RSBN1L: variants seen among roughly 807,000 people sequenced by gnomAD.
RSBN1L encodes the protein lysine-specific demethylase RSBN1L.
In RSBN1L, 30 loss-of-function variants were observed where a neutral mutation model predicts 67.7. The observed-to-expected ratio is 0.44, with a 90% CI of 0.33 to 0.60. RSBN1L has a LOEUF of 0.60. RSBN1L is among the 20% of genes least tolerant of loss of function. The pLI is 0.02. For missense variants in RSBN1L, 992 were observed against 1,031.7 expected, an observed-to-expected ratio of 0.96 and a Z score of 0.53; for synonymous variants, 433 against 387.0, an observed-to-expected ratio of 1.12 and a Z score of -1.39.
At chr7:77,732,425 T>C (rs756179386) in intron 1 of RSBN1L, among the ~76,000 whole-genome samples, 1 of 152,254 alleles carries the variant, frequency 6.6e-6, no homozygotes, top group Non-Finnish European at 1.5e-5. Context: ...CTCTGCCTCC[T>C]GGGTTCCAGT....
intron 2 of RSBN1L, among the ~76,000 whole-genome samples, chr7:77,743,898 A>T (rs909822518): frequency 2.0e-5 from 3 of 149,176 alleles, no homozygotes; most frequent in East Asian, 2.0e-4. Flanking sequence ...TTTTTATTTC[A>T]TTTTTTTTGT....
rs1056079365 is a variant in RSBN1L, at chr7:77,696,575, C to T, written c.106C>T (p.Pro36Ser). The T allele has an allele frequency of 1.2e-6, 2 of 1,614,094 alleles. No homozygotes were observed. Among genetic ancestry groups the T allele is most frequent in the Admixed American group, 1.7e-5 (1 of 60,030 alleles). ...FGKLQLSSRD[P>S]PGSLSAKKVR... Reference sequence around the variant, plus strand: ...CAAGCTGCAACTCTCCTCCCGGGACCCTCCGGGTTCTCTGTCCGCCAAGAA... The same window carrying T: ...CAAGCTGCAACTCTCCTCCCGGGACTCTCCGGGTTCTCTGTCCGCCAAGAA... Residue 36 changes from proline to serine, a missense_variant, in exon 1 of 8, where the codon CCT becomes TCT. Pro to Ser is a moderately conservative substitution (Grantham distance 74). This residue lies in a region of RSBN1L where 575 missense variants were observed against 483.2 expected (regional missense o/e 1.19). Coordinates refer to ENST00000334955, the MANE Select transcript of RSBN1L (RefSeq NM_198467.3).
rs368343635 is a variant in RSBN1L at position 77,756,359 on chromosome 7, C to T, written c.1344+6295C>T. 7.9e-5 allele frequency among the ~76,000 whole-genome samples: 12 copies of T among 152,230 alleles called. No homozygotes were observed. In the East Asian group the frequency reaches 1.9e-3, roughly 25 times the overall value. On this transcript the variant is annotated intron_variant, in intron 3 of 7. Transcript: ENST00000334955. ...TGTTGCCCAGGCTGGTCTTGAACTC[C>T]TGACTTCAGGTGATCTACCTGCCTC...
chr7:77,707,900 C>T (rs984467497), intron 1 of RSBN1L, among the ~76,000 whole-genome samples: 1 of 152,110 alleles, frequency 6.6e-6, no homozygotes, highest in Non-Finnish European at 1.5e-5. Flanking sequence ...TTTACATATA[C>T]TGTGGTTTTA....
chr7:77,755,118 A>C (rs1467094394), intron 3 of RSBN1L, among the ~76,000 whole-genome samples: 1 of 152,188 alleles, frequency 6.6e-6, no homozygotes, highest in East Asian at 1.9e-4. Context: ...AGCTAATGTG[A>C]GTCAGTATTC....
intron 1 of RSBN1L, among the ~76,000 whole-genome samples, chr7:77,722,968 CT>C (rs71531006): frequency 0.15 from 19,881 of 132,132 alleles, 1,798 homozygotes; most frequent in African/African-American, 0.3. Flanking sequence ...TTTCTCTCTT[CT>C]TTTTTTTTTT....
At chr7:77,754,619 G>A (rs909122276) in intron 3 of RSBN1L, among the ~76,000 whole-genome samples, 3 of 152,112 alleles carry the variant, frequency 2.0e-5, no homozygotes, top group Non-Finnish European at 4.4e-5. Flanking sequence ...ACAGTATTTT[G>A]TACTCCATTT....
intron 2 of RSBN1L, among the ~76,000 whole-genome samples, chr7:77,748,519 G>A (rs888045604): frequency 4.6e-5 from 7 of 151,884 alleles, no homozygotes; most frequent in African/African-American, 1.7e-4. Context: ...ATAGGGTTTC[G>A]CTGTGTCACC....
intron 1 of RSBN1L, among the ~76,000 whole-genome samples, chr7:77,724,941 CA>C (rs1456841087): frequency 1.3e-5 from 2 of 151,272 alleles, no homozygotes; most frequent in African/African-American, 4.9e-5. Context: ...CTCCCGGGTC[CA>C]GTCGGTTCTC....
chr7:77,728,787 G>A (rs889832459), intron 1 of RSBN1L, among the ~76,000 whole-genome samples: 7 of 152,072 alleles, frequency 4.6e-5, no homozygotes, highest in Admixed American at 1.3e-4. Flanking sequence ...TTTTCTATGG[G>A]GTGCCTCGCA....
intron 1 of RSBN1L, among the ~76,000 whole-genome samples, chr7:77,701,758 TCTC>T (rs1790822030): frequency 1.3e-5 from 2 of 151,832 alleles, no homozygotes; most frequent in Middle Eastern, 3.4e-3. Context: ...TTCAAGCAAT[TCTC>T]CTGCCTCAGC....
In RSBN1L at chr7:77,736,043, T is replaced by C. The variant is rs967252120; in HGVS notation, c.587-367T>C. ...GGAAACTGAGATCAAGTAATTTTTC[T>C]GTTATGCTGCTAATCCATAGATGCT... On this transcript the variant is annotated intron_variant, in intron 1 of 7. Transcript: ENST00000334955. Among the ~76,000 whole-genome samples the C allele has an allele frequency of 3.3e-5, 5 of 152,174 alleles. No individual in the cohort carries two copies. The East Asian group carries it at 9.6e-4, about 29-fold the overall frequency.
chr7:77,748,896 C>CGTCTGTCT (rs77607499), intron 2 of RSBN1L, among the ~76,000 whole-genome samples: 5 of 151,472 alleles, frequency 3.3e-5, no homozygotes, highest in African/African-American at 1.2e-4. Context: ...GCTCTATGCC[C>CGTCTGTCT]GTCTGTCTGT....
intron 5 of RSBN1L, among the ~76,000 whole-genome samples, chr7:77,770,817 ACC>A (rs571196083): frequency 2.4e-4 from 36 of 152,294 alleles, no homozygotes; most frequent in Non-Finnish European, 3.8e-4. Flanking sequence ...AAATAACAAA[ACC>A]CTACTATGTG....
At chr7:77,726,712 C>T (rs539019933) in intron 1 of RSBN1L, among the ~76,000 whole-genome samples, 4 of 150,012 alleles carry the variant, frequency 2.7e-5, no homozygotes, top group Non-Finnish European at 4.4e-5. Context: ...CGGGTTCAAG[C>T]GATTCTCTTG....
intron 1 of RSBN1L, among the ~76,000 whole-genome samples, chr7:77,715,580 A>G (rs1409676164): frequency 1.3e-5 from 2 of 152,184 alleles, no homozygotes; most frequent in Non-Finnish European, 2.9e-5. Flanking sequence ...AAGTGCTAGA[A>G]TTACAGGCAC....
chr7:77,724,584 C>G (rs180794342), intron 1 of RSBN1L, among the ~76,000 whole-genome samples: 1 of 151,732 alleles, frequency 6.6e-6, no homozygotes, highest in Non-Finnish European at 1.5e-5. Flanking sequence ...CATCACCATG[C>G]CCAGCTAATT....
At chr7:77,717,427 G>A (rs1033980269) in intron 1 of RSBN1L, among the ~76,000 whole-genome samples, 3 of 152,064 alleles carry the variant, frequency 2.0e-5, no homozygotes, top group African/African-American at 7.2e-5. Context: ...GATATATAAT[G>A]TTATAACAGT....
chr7:77,706,197 C>T (rs905461739), intron 1 of RSBN1L, among the ~76,000 whole-genome samples: 7 of 152,044 alleles, frequency 4.6e-5, no homozygotes, highest in Non-Finnish European at 7.4e-5. Context: ...CTGCCTCGGC[C>T]TCCTGAGTAC....
Sources: gnomAD v4.1 joint callset for allele counts (sites outside exome capture counted in the v4.1 genomes callset) on GRCh38, gnomAD v4.1.1 for gene constraint, gnomAD v4.1.1 regional missense constraint, MANE v1.5 for transcripts, NCBI Gene and HGNC (gene_info 2026-07-23, HGNC 2026-07-21) for gene names.